The following TMEM178A variants were observed in gnomAD, a reference collection of about 807,000 sequenced individuals.
TMEM178A encodes transmembrane protein 178.
In TMEM178A, 12 loss-of-function variants were observed where a neutral mutation model predicts 29.1. The observed-to-expected ratio is 0.41, with a 90% CI of 0.26 to 0.67. The LOEUF is 0.67. Ranked by LOEUF, TMEM178A falls within the 30% of genes least tolerant of loss-of-function variation. The pLI is 0.29. For missense variants in TMEM178A, 366 were observed against 419.1 expected, an observed-to-expected ratio of 0.87 and a Z score of 1.11; for synonymous variants, 210 against 187.2, an observed-to-expected ratio of 1.12 and a Z score of -0.99.
At position 39,690,145 on chromosome 2, in the gene TMEM178A, A is replaced by G. The variant is rs1671252098; in HGVS notation, c.401-13936A>G. Among the ~76,000 whole-genome samples, 4 of 152,192 alleles carry G rather than the reference A, an allele frequency of 2.6e-5. No individual in the cohort carries two copies. The South Asian group carries it at 8.3e-4, about 32-fold the overall frequency. Reference sequence around the variant, plus strand: ...GAGCAGGGAAGAGAGGCAGGAGCTCACAAAAACCATTGCGTAGATCTCAAA... The same window carrying G: ...GAGCAGGGAAGAGAGGCAGGAGCTCGCAAAAACCATTGCGTAGATCTCAAA... On this transcript the variant is annotated intron_variant, in intron 1 of 3. Transcript: ENST00000281961.
chr2:39,704,042 T>C, intron 1 of TMEM178A, 39 bp from the exon 2 acceptor site: 1 of 1,576,020 alleles, frequency 6.3e-7, no homozygotes, highest in Non-Finnish European at 8.7e-7. Context: ...CTGTTACAAA[T>C]AAGCAGACTC....
At chr2:39,719,710 T>C (rs1170098708), downstream of TMEM178A, among the ~76,000 whole-genome samples, 2 of 152,172 alleles carry the variant, frequency 1.3e-5, no homozygotes, top group Non-Finnish European at 2.9e-5. Context: ...CTATGTTCTC[T>C]CTGTCCCACA....
At chr2:39,693,802 A>G (rs1301817222) in intron 1 of TMEM178A, among the ~76,000 whole-genome samples, 1 of 152,208 alleles carries the variant, frequency 6.6e-6, no homozygotes, top group Non-Finnish European at 1.5e-5. Flanking sequence ...ATTTTAAAAT[A>G]CGATATTACT....
chr2:39,700,158 T>C (rs1671720313), intron 1 of TMEM178A, among the ~76,000 whole-genome samples: 1 of 152,154 alleles, frequency 6.6e-6, no homozygotes, highest in South Asian at 2.1e-4. Flanking sequence ...CTCTTGTATC[T>C]TGTTGGTTTA....
intron 3 of TMEM178A, among the ~76,000 whole-genome samples, chr2:39,711,192 A>G (rs977112123): frequency 6.6e-6 from 1 of 152,218 alleles, no homozygotes; most frequent in African/African-American, 2.4e-5. Flanking sequence ...TCCAGCTTTA[A>G]GCTTCTGCCC....
intron 1 of TMEM178A, among the ~76,000 whole-genome samples, chr2:39,693,670 G>A (rs935256706): frequency 6.6e-6 from 1 of 152,128 alleles, no homozygotes; most frequent in Non-Finnish European, 1.5e-5. Flanking sequence ...AGAATCCTCT[G>A]TAAGCCACAT....
At chr2:39,665,787 G>A (rs1450095944), upstream of TMEM178A, 6 of 466,884 alleles carry the variant, frequency 1.3e-5, no homozygotes, top group African/African-American at 2.2e-5. Flanking sequence ...GGCGGGCGGT[G>A]GGAGGCGAGA....
chr2:39,695,484 T>A (rs1469081445), intron 1 of TMEM178A, among the ~76,000 whole-genome samples: 2 of 149,840 alleles, frequency 1.3e-5, no homozygotes, highest in African/African-American at 4.9e-5. Flanking sequence ...GCAAAGAGAG[T>A]GAGCTATGTG....
chr2:39,670,098 C>T (rs945233484), intron 1 of TMEM178A, among the ~76,000 whole-genome samples: 4 of 152,142 alleles, frequency 2.6e-5, no homozygotes, highest in African/African-American at 9.7e-5. Flanking sequence ...AATCAGCCTT[C>T]ACCCAGCGAT....
the TMEM178A span, among the ~76,000 whole-genome samples, chr2:39,734,527 T>C: frequency 9.2e-5 from 14 of 152,234 alleles, no homozygotes; most frequent in African/African-American, 3.1e-4. Flanking sequence ...TCCCATAATG[T>C]ATCTCCAGAG....
chr2:39,673,228 CAG>C (rs1185952778), intron 1 of TMEM178A, among the ~76,000 whole-genome samples: 1 of 152,198 alleles, frequency 6.6e-6, no homozygotes, highest in Non-Finnish European at 1.5e-5. Flanking sequence ...TTGTTTGCTG[CAG>C]AGTCACGGGA....
chr2:39,723,056 T>C, the TMEM178A span, among the ~76,000 whole-genome samples: 166 of 152,320 alleles, frequency 1.1e-3, 1 homozygote, highest in Non-Finnish European at 2.0e-3. Flanking sequence ...TGGGCTCCCT[T>C]GACTTGCTCC....
the TMEM178A span, among the ~76,000 whole-genome samples, chr2:39,726,884 T>G: frequency 1.3e-5 from 2 of 152,286 alleles, no homozygotes; most frequent in East Asian, 1.9e-4. Context: ...TGAAGAAACT[T>G]AATGAAAACT....
chr2:39,672,270 G>A (rs1670436462), intron 1 of TMEM178A, among the ~76,000 whole-genome samples: 1 of 152,150 alleles, frequency 6.6e-6, no homozygotes, highest in Admixed American at 6.5e-5. Context: ...AAAGTGGATG[G>A]TACTTTAAGT....
Position 39,666,094 on chromosome 2 carries a change from G to A in TMEM178A, c.120G>A (p.Lys40=), listed in dbSNP as rs756440294. The A allele has an allele frequency of 6.4e-7, 1 of 1,567,244 alleles. No individual in the cohort carries two copies. The highest frequency in any genetic ancestry group is 1.4e-5 in the African/African-American group (1 of 70,852). Reference sequence around the variant, plus strand: ...ACGAGACCGACCCCCGGCGCCACAAGGAGAGCTGCGAGCGCAGCCGCGCGG... The same window carrying A: ...ACGAGACCGACCCCCGGCGCCACAAAGAGAGCTGCGAGCGCAGCCGCGCGG... ...HWYETDPRRH[K]ESCERSRAGA... Residue 40 remains lysine (K), a synonymous_variant, in exon 1 of 4, where the codon AAG becomes AAA. Transcript: ENST00000281961.
At chr2:39,667,971 C>T (rs1178688746) in intron 1 of TMEM178A, among the ~76,000 whole-genome samples, 1 of 152,184 alleles carries the variant, frequency 6.6e-6, no homozygotes, top group Non-Finnish European at 1.5e-5. Flanking sequence ...TGTAGTCTGT[C>T]TTTGGAAATG....
At chr2:39,719,992 T>G (rs1305576525), downstream of TMEM178A, among the ~76,000 whole-genome samples, 1 of 152,204 alleles carries the variant, frequency 6.6e-6, no homozygotes, top group Admixed American at 6.5e-5. Flanking sequence ...GTTTTTGCCC[T>G]GGTAAAGCTT....
intron 1 of TMEM178A, among the ~76,000 whole-genome samples, chr2:39,699,716 C>G (rs1671700229): frequency 6.6e-6 from 1 of 152,142 alleles, no homozygotes. Context: ...CTCAGCTTCT[C>G]AAGGGTTGGG....
the TMEM178A span, among the ~76,000 whole-genome samples, chr2:39,727,392 T>G: frequency 6.6e-6 from 1 of 152,206 alleles, no homozygotes; most frequent in South Asian, 2.1e-4. Flanking sequence ...GAACATGCAC[T>G]AAAAAAACTC....
Sources: allele counts gnomAD v4.1 joint callset (sites outside exome capture counted in the v4.1 genomes callset), GRCh38; gene constraint gnomAD v4.1.1; transcripts MANE v1.5; gene names NCBI Gene and HGNC (gene_info 2026-07-23, HGNC 2026-07-21).